FAM110B: variants seen among roughly 807,000 people sequenced by gnomAD.
The protein encoded by FAM110B is family with sequence similarity 110 member B.
In FAM110B, 6 loss-of-function variants were observed where a neutral mutation model predicts 20.4. The observed-to-expected ratio is 0.29, with a 90% confidence interval of 0.16 to 0.58. FAM110B has a LOEUF of 0.58. Among genes scored for constraint, FAM110B ranks in the 20% least tolerant of loss-of-function variants. The probability of loss-of-function intolerance (pLI) is 0.90; values close to 1 mark genes in which losing one functional copy is unlikely to be tolerated. For missense variants in FAM110B, 434 were observed against 498.2 expected, an observed-to-expected ratio of 0.87 and a Z score of 1.23; for synonymous variants, 226 against 214.1, an observed-to-expected ratio of 1.06 and a Z score of -0.49.
chr8:58,085,331 G>A (rs950730818), intron 3 of FAM110B, among the ~76,000 whole-genome samples: 7 of 152,116 alleles, frequency 4.6e-5, no homozygotes, highest in African/African-American at 1.7e-4. Flanking sequence ...TGGCCAATAT[G>A]GTGAAACCCC....
rs79474824 is a variant in FAM110B at position 58,052,661 on chromosome 8, G to T, written c.-414+20958G>T. Among the ~76,000 whole-genome samples the T allele has an allele frequency of 5.8e-3, 887 of 151,762 alleles. 9 individuals are homozygous for T. The highest frequency in any genetic ancestry group is 0.02 in the African/African-American group (838 of 41,474). On this transcript the variant is annotated intron_variant, in intron 2 of 3. Coordinates refer to ENST00000519262, the MANE Select transcript of FAM110B (RefSeq NM_001377989.1). ...ATGGAGATAGATGTATATGTATATT[G>T]CAGGGGTGGGATAGGGTAGCGATTT... is the stretch of plus-strand genomic sequence containing the variant.
intron 3 of FAM110B, among the ~76,000 whole-genome samples, chr8:58,115,939 C>G (rs896351140): frequency 6.6e-5 from 10 of 152,132 alleles, no homozygotes; most frequent in Admixed American, 2.6e-4. Context: ...CCAGCCCAAC[C>G]ACTTGGAAGC....
intron 2 of FAM110B, among the ~76,000 whole-genome samples, chr8:58,057,736 C>G (rs1302221374): frequency 2.0e-5 from 3 of 152,238 alleles, no homozygotes; most frequent in African/African-American, 7.2e-5. Context: ...AGTTATCTCT[C>G]CATCAGTTTG....
intron 3 of FAM110B, among the ~76,000 whole-genome samples, chr8:58,114,941 C>T (rs1008504117): frequency 3.6e-4 from 54 of 152,032 alleles, no homozygotes; most frequent in Middle Eastern, 3.4e-3. Flanking sequence ...AGATGGTCTT[C>T]GCTGGAATCA....
intron 2 of FAM110B, among the ~76,000 whole-genome samples, chr8:58,049,623 A>G (rs994813183): frequency 1.3e-5 from 2 of 152,208 alleles, no homozygotes; most frequent in African/African-American, 2.4e-5. Context: ...TGAATCTTAA[A>G]GACCACACAT....
rs756901008 is a variant in FAM110B at position 58,068,273 on chromosome 8, G to T, written c.-413-7262G>T. Among the ~76,000 whole-genome samples, 10 of 152,214 alleles carry T rather than the reference G, an allele frequency of 6.6e-5. 1 individual carries two copies. Among genetic ancestry groups the T allele is most frequent in the Non-Finnish European group, 8.8e-5 (6 of 68,052 alleles). Reference sequence around the variant, plus strand: ...ATAATTCACTAGGATGATGCTTCAAGGTAGCACACACAGCTCTCATTTTCT... The same window carrying T: ...ATAATTCACTAGGATGATGCTTCAATGTAGCACACACAGCTCTCATTTTCT... On this transcript the variant is annotated intron_variant, in intron 2 of 3. Coordinates refer to ENST00000519262, the MANE Select transcript of FAM110B (RefSeq NM_001377989.1).
chr8:58,085,278 C>A (rs181450363), intron 3 of FAM110B, among the ~76,000 whole-genome samples: 1 of 152,102 alleles, frequency 6.6e-6, no homozygotes, highest in African/African-American at 2.4e-5. Context: ...TTCAGGAGTC[C>A]GGGGCAGGCA....
chr8:58,013,249 A>T (rs904215704), intron 1 of FAM110B, among the ~76,000 whole-genome samples: 1 of 152,218 alleles, frequency 6.6e-6, no homozygotes, highest in Non-Finnish European at 1.5e-5. Flanking sequence ...TGGATCAAAG[A>T]TGGAGTATCA....
chr8:58,141,937 G>A (rs1291860820), intron 3 of FAM110B, among the ~76,000 whole-genome samples: 3 of 152,162 alleles, frequency 2.0e-5, no homozygotes, highest in Admixed American at 2.0e-4. Context: ...AATAAACTGT[G>A]TATGAGGTTC....
chr8:58,104,213 TATA>T (rs1806853933), intron 3 of FAM110B, among the ~76,000 whole-genome samples: 1 of 152,198 alleles, frequency 6.6e-6, no homozygotes. Context: ...AAAGGGACAC[TATA>T]GTTCCACCTG....
rs760630107 is a variant in FAM110B at position 58,146,991 on chromosome 8, C to T, written c.761C>T (p.Pro254Leu). The T allele has an allele frequency of 6.2e-7, 1 of 1,614,228 alleles. No homozygotes were observed. The highest frequency in any genetic ancestry group is 8.5e-7 in the Non-Finnish European group (1 of 1,180,038). ...VEPACGVSRR[P>L]SLQRSKSDLS... ...CCAGCTTGTGGAGTCAGCCGAAGAC[C>T]CTCCCTCCAGCGGTCTAAGTCAGAC... The change falls in exon 4 of 4, where the codon CCC becomes CTC. Residue 254 changes from proline (P) to leucine (L), a missense_variant. Physicochemically the swap from Pro to Leu is moderately conservative, Grantham distance 98 (BLOSUM62 -3). This residue lies in a region of FAM110B where 284 missense variants were observed against 278.3 expected (regional missense o/e 1.02). Coordinates refer to ENST00000519262, the MANE Select transcript of FAM110B (RefSeq NM_001377989.1).
chr8:58,110,353 G>A (rs1563373523), intron 3 of FAM110B, among the ~76,000 whole-genome samples: 1 of 152,078 alleles, frequency 6.6e-6, no homozygotes, highest in African/African-American at 2.4e-5. Context: ...TACTTAGGAT[G>A]TTATTCTGCA....
chr8:58,002,748 ATACCT>A (rs1179625313), intron 1 of FAM110B, among the ~76,000 whole-genome samples: 1 of 152,368 alleles, frequency 6.6e-6, no homozygotes, highest in African/African-American at 2.4e-5. Flanking sequence ...AACAATGTAC[ATACCT>A]TAATTAAAAT....
intron 3 of FAM110B, among the ~76,000 whole-genome samples, chr8:58,117,239 T>G (rs944754408): frequency 6.6e-6 from 1 of 152,234 alleles, no homozygotes; most frequent in Non-Finnish European, 1.5e-5. Context: ...ACAGTTGATG[T>G]GATTCGATGT....
At chr8:58,037,882 C>T (rs553432996) in intron 2 of FAM110B, among the ~76,000 whole-genome samples, 3 of 152,202 alleles carry the variant, frequency 2.0e-5, no homozygotes, top group South Asian at 2.1e-4. Context: ...TCTTGATTTT[C>T]GCTTTCTCCT....
At chr8:58,124,851 T>C (rs1483779745) in intron 3 of FAM110B, among the ~76,000 whole-genome samples, 1 of 152,230 alleles carries the variant, frequency 6.6e-6, no homozygotes, top group Non-Finnish European at 1.5e-5. Flanking sequence ...ATAGATTACA[T>C]GATAATGAGG....
chr8:58,014,672 A>G (rs545295291), intron 1 of FAM110B, among the ~76,000 whole-genome samples: 3 of 152,314 alleles, frequency 2.0e-5, no homozygotes, highest in Admixed American at 6.5e-5. Context: ...AATAAGTCAC[A>G]TACATGTATG....
At chr8:58,064,331 G>T (rs1288640799) in intron 2 of FAM110B, among the ~76,000 whole-genome samples, 1 of 151,938 alleles carries the variant, frequency 6.6e-6, no homozygotes, top group East Asian at 1.9e-4. Flanking sequence ...TGGGGCATGT[G>T]ATCCCAACTA....
chr8:58,121,443 C>T (rs1293166962), intron 3 of FAM110B, among the ~76,000 whole-genome samples: 1 of 152,168 alleles, frequency 6.6e-6, no homozygotes, highest in Non-Finnish European at 1.5e-5. Flanking sequence ...ATGAAATTTA[C>T]TCTGTACTGT....
Sources: allele counts gnomAD v4.1 joint callset (sites outside exome capture counted in the v4.1 genomes callset), GRCh38; gene constraint gnomAD v4.1.1; regional missense constraint gnomAD v4.1.1; transcripts MANE v1.5; gene names NCBI Gene and HGNC (gene_info 2026-07-23, HGNC 2026-07-21).